The following ZHX2 variants were observed in gnomAD, a reference collection of about 807,000 sequenced individuals.
ZHX2 encodes the protein zinc fingers and homeoboxes 2, also known as zinc fingers and homeoboxes protein 2.
Under a neutral mutation model 21.9 loss-of-function variants are expected in ZHX2, and 6 were observed. The ratio of observed to expected loss-of-function variants is 0.27; its 90% CI spans 0.15 to 0.54. The LOEUF (loss-of-function observed/expected upper bound fraction) is 0.54, where lower values mean the gene tolerates loss of function less well. ZHX2 is among the 20% of genes least tolerant of loss of function. The probability of loss-of-function intolerance (pLI) is 0.95; values close to 1 mark genes in which losing one functional copy is unlikely to be tolerated. For missense variants in ZHX2, 908 were observed against 1,090.7 expected (o/e 0.83, Z 2.36); for synonymous variants, 434 against 437.1 (o/e 0.99, Z 0.09).
At chr8:122,826,147 C>A (rs1337517519) in intron 1 of ZHX2, among the ~76,000 whole-genome samples, 1 of 152,208 alleles carries the variant, frequency 6.6e-6, no homozygotes, top group Non-Finnish European at 1.5e-5. Flanking sequence ...TCGCCTTGCT[C>A]CATTCCCACC....
intron 1 of ZHX2, among the ~76,000 whole-genome samples, chr8:122,800,736 T>C (rs148384742): frequency 0.01 from 1,544 of 152,276 alleles, 15 homozygotes; most frequent in Middle Eastern, 0.044. Flanking sequence ...TGAAAAGCCA[T>C]GTATTTTCCC....
chr8:122,794,501 G>C (rs1324823054), intron 1 of ZHX2, among the ~76,000 whole-genome samples: 1 of 152,102 alleles, frequency 6.6e-6, no homozygotes, highest in Non-Finnish European at 1.5e-5. Flanking sequence ...AAGAGTGAAG[G>C]GGTCAAGGGT....
intron 1 of ZHX2, among the ~76,000 whole-genome samples, chr8:122,831,208 G>A (rs756503401): frequency 1.3e-5 from 2 of 152,184 alleles, no homozygotes; most frequent in Non-Finnish European, 2.9e-5. Context: ...GCCGTTTATC[G>A]GGCGGCATGT....
At chr8:122,811,894 A>G (rs1230413167) in intron 1 of ZHX2, 3 of 152,198 alleles carry the variant, frequency 2.0e-5, no homozygotes, top group Non-Finnish European at 4.4e-5. Flanking sequence ...CCAACTATCT[A>G]TTGATCACCT....
At chr8:122,902,160 G>T (rs1820245574) in intron 2 of ZHX2, among the ~76,000 whole-genome samples, 1 of 152,118 alleles carries the variant, frequency 6.6e-6, no homozygotes, top group African/African-American at 2.4e-5. Flanking sequence ...GTGGCTAATG[G>T]GTCCTCCTCC....
chr8:122,954,950 A>C (rs933375849), intron 3 of ZHX2, among the ~76,000 whole-genome samples: 4 of 151,568 alleles, frequency 2.6e-5, no homozygotes, highest in African/African-American at 9.7e-5. Flanking sequence ...AAAGGCTTTG[A>C]AAGTGCTTGA....
intron 2 of ZHX2, among the ~76,000 whole-genome samples, chr8:122,913,144 C>T (rs975765743): frequency 1.6e-4 from 24 of 152,172 alleles, no homozygotes; most frequent in Non-Finnish European, 2.9e-4. Context: ...TCATGACTGG[C>T]TTATTTCACT....
intron 2 of ZHX2, among the ~76,000 whole-genome samples, chr8:122,894,298 C>T (rs1224095915): frequency 6.6e-6 from 1 of 152,190 alleles, no homozygotes; most frequent in Non-Finnish European, 1.5e-5. Flanking sequence ...CACCCAGTTT[C>T]CCAAGGGCTT....
chr8:122,919,442 C>T (rs1316926561), intron 2 of ZHX2, among the ~76,000 whole-genome samples: 1 of 152,198 alleles, frequency 6.6e-6, no homozygotes, highest in Non-Finnish European at 1.5e-5. Context: ...GTATTTATTG[C>T]GTACTCACTA....
intron 3 of ZHX2, among the ~76,000 whole-genome samples, chr8:122,955,967 C>T (rs1263841476): frequency 2.0e-5 from 3 of 151,644 alleles, no homozygotes; most frequent in Non-Finnish European, 4.4e-5. Flanking sequence ...GCATCAGCCT[C>T]CCGAGTAGCT....
intron 2 of ZHX2, among the ~76,000 whole-genome samples, chr8:122,884,386 T>A (rs139544525): frequency 6.6e-6 from 1 of 152,340 alleles, no homozygotes. Flanking sequence ...GTTTTCTAAT[T>A]TGTCAGTCAC....
intron 3 of ZHX2, among the ~76,000 whole-genome samples, chr8:122,967,954 A>G (rs1813624911): frequency 6.6e-6 from 1 of 152,086 alleles, no homozygotes; most frequent in African/African-American, 2.4e-5. Flanking sequence ...ACAAACCATC[A>G]GGTGGGGGCA....
At chr8:122,789,266 C>T (rs1488733548) in intron 1 of ZHX2, among the ~76,000 whole-genome samples, 1 of 152,218 alleles carries the variant, frequency 6.6e-6, no homozygotes, top group African/African-American at 2.4e-5. Flanking sequence ...GCTGCAGAGC[C>T]ATTTAGTTAA....
At chr8:122,822,092 G>A (rs1818164571) in intron 1 of ZHX2, among the ~76,000 whole-genome samples, 1 of 152,136 alleles carries the variant, frequency 6.6e-6, no homozygotes, top group Non-Finnish European at 1.5e-5. Context: ...CCAGACCCTG[G>A]CTCCTATGTC....
rs202202495 is a variant in ZHX2 at position 122,953,222 on chromosome 8, G to A, written c.1712G>A (p.Arg571Lys). ...RLRVETKLSR[R>K]EIDSWFSERR... is the part of the protein sequence containing the mutation. ...AGGGTGGAGACCAAGCTGAGCAGGA[G>A]AGAGATCGACTCCTGGTTCTCGGAG... Residue 571 changes from arginine (R) to lysine (K), a missense_variant, in exon 3 of 4, where the codon AGA becomes AAA. By Grantham distance (26) the Arg-to-Lys change is conservative. This residue lies in a region of ZHX2 where 431 missense variants were observed against 428.6 expected (regional missense o/e 1.01). Transcript: ENST00000314393. This position sits in a 1 kb window ranked among gnomAD's most constrained non-coding sequence, Gnocchi z 4.6. 5 of 1,613,976 alleles carry A rather than the reference G, an allele frequency of 3.1e-6. No individual in the cohort carries two copies. Among genetic ancestry groups the A allele is most frequent in the South Asian group, 2.2e-5 (2 of 91,068 alleles).
chr8:122,905,396 T>A (rs1290777080), intron 2 of ZHX2, among the ~76,000 whole-genome samples: 1 of 152,122 alleles, frequency 6.6e-6, no homozygotes, highest in South Asian at 2.1e-4. Flanking sequence ...TTAAAAACTG[T>A]CAACCCAGAA....
intron 1 of ZHX2, among the ~76,000 whole-genome samples, chr8:122,785,650 G>A (rs1472291071): frequency 6.6e-6 from 1 of 152,204 alleles, no homozygotes; most frequent in Admixed American, 6.5e-5. Context: ...ACCCATTGCT[G>A]TCATGAGCAA....
upstream of ZHX2, chr8:122,781,036 C>T (rs776489466): frequency 6.6e-6 from 1 of 152,228 alleles, no homozygotes; most frequent in Non-Finnish European, 1.5e-5. The surrounding 1 kb of genome is among the most constrained non-coding windows in gnomAD (Gnocchi z 4.6). Flanking sequence ...CGAGCCTTCT[C>T]ATTATCATTC....
intron 1 of ZHX2, among the ~76,000 whole-genome samples, chr8:122,802,050 T>C (rs79604308): frequency 0.017 from 2,596 of 152,218 alleles, 41 homozygotes; most frequent in South Asian, 0.067. Context: ...TGGAGGTGGC[T>C]GTACAGTTCC....
Sources: allele counts gnomAD v4.1 joint callset (sites outside exome capture counted in the v4.1 genomes callset), GRCh38; gene constraint gnomAD v4.1.1; regional missense constraint gnomAD v4.1.1; non-coding constraint Gnocchi (gnomAD v3.1); transcripts MANE v1.5; gene names NCBI Gene and HGNC (gene_info 2026-07-23, HGNC 2026-07-21).